The following RPS6KC1 variants were observed in gnomAD, a reference collection of about 807,000 sequenced individuals.
RPS6KC1 encodes ribosomal protein S6 kinase C1.
Under a neutral mutation model 103.8 loss-of-function variants are expected in RPS6KC1, and 54 were observed. That is an observed-to-expected ratio of 0.52 (90% confidence interval 0.42 to 0.65). The LOEUF (loss-of-function observed/expected upper bound fraction) is 0.65. Among genes scored for constraint, RPS6KC1 ranks in the 30% least tolerant of loss-of-function variants. The pLI, the probability that RPS6KC1 is intolerant of heterozygous loss-of-function variation, is 0.00. For synonymous variants in RPS6KC1, 439 were observed against 438.7 expected (o/e 1.00, Z -0.01); for missense variants, 1,151 against 1,253.8 (o/e 0.92, Z 1.24).
chr1:213,174,594 C>T (rs1004429748), intron 7 of RPS6KC1, among the ~76,000 whole-genome samples: 2 of 146,874 alleles, frequency 1.4e-5, no homozygotes, highest in East Asian at 2.0e-4. Context: ...TGCTTGAACC[C>T]GGGAGGCAGA....
chr1:213,838,736 G>A, the RPS6KC1 span, among the ~76,000 whole-genome samples: 1 of 152,208 alleles, frequency 6.6e-6, no homozygotes, highest in Non-Finnish European at 1.5e-5. Context: ...CGCAGGACCA[G>A]GCAAAGGCTA....
chr1:213,587,579 C>G, the RPS6KC1 span, among the ~76,000 whole-genome samples: 1 of 152,142 alleles, frequency 6.6e-6, no homozygotes, highest in African/African-American at 2.4e-5. Context: ...GTGTTTGATA[C>G]ATAAAAAATG....
intron 8 of RPS6KC1, among the ~76,000 whole-genome samples, chr1:213,205,695 A>G (rs1490411256): frequency 6.6e-6 from 1 of 151,004 alleles, no homozygotes; most frequent in African/African-American, 2.4e-5. Context: ...GCAACCATAT[A>G]TTTTTGACAT....
chr1:213,252,584 T>A (rs1190211370), intron 12 of RPS6KC1, among the ~76,000 whole-genome samples: 1 of 152,202 alleles, frequency 6.6e-6, no homozygotes, highest in African/African-American at 2.4e-5. Flanking sequence ...TTATGTTGTC[T>A]TATTTACCAG....
chr1:213,763,164 G>T, the RPS6KC1 span, among the ~76,000 whole-genome samples: 2 of 152,028 alleles, frequency 1.3e-5, no homozygotes, highest in South Asian at 2.1e-4. Context: ...TGGCCTTAAG[G>T]GTAATTTTTG....
chr1:213,508,696 T>C, the RPS6KC1 span, among the ~76,000 whole-genome samples: 330 of 152,244 alleles, frequency 2.2e-3, 2 homozygotes, highest in South Asian at 9.1e-3. Context: ...TTAAGTACAG[T>C]AGTTTTGTAA....
At chr1:213,841,743 C>A in the RPS6KC1 span, among the ~76,000 whole-genome samples, 3 of 152,160 alleles carry the variant, frequency 2.0e-5, no homozygotes, top group African/African-American at 7.2e-5. Context: ...CAGACTTTTC[C>A]AGCAAAGATG....
chr1:213,768,446 C>T, the RPS6KC1 span, among the ~76,000 whole-genome samples: 1 of 152,130 alleles, frequency 6.6e-6, no homozygotes, highest in Non-Finnish European at 1.5e-5. Context: ...GAATTTATCA[C>T]AAGCGCCTAT....
At chr1:213,665,651 C>A in the RPS6KC1 span, among the ~76,000 whole-genome samples, 3 of 152,238 alleles carry the variant, frequency 2.0e-5, 1 homozygote, top group East Asian at 5.8e-4. Context: ...ACAAAAAATA[C>A]ATGAGTTAGA....
the RPS6KC1 span, among the ~76,000 whole-genome samples, chr1:213,334,242 C>A: frequency 6.6e-6 from 1 of 152,196 alleles, no homozygotes; most frequent in Non-Finnish European, 1.5e-5. Flanking sequence ...GAAACTGAGG[C>A]ACAGAGAGGT....
rs80069911 is a variant in RPS6KC1 at position 213,184,667 on chromosome 1, G to T, written c.1044+8175G>T. ...TTCTCTTAGTGCTGATTTTGCCATA[G>T]CCCACAGATTTTGGTATGTTGTATT... On this transcript the variant is annotated intron_variant, in intron 8 of 14. Coordinates refer to ENST00000366960, the MANE Select transcript of RPS6KC1 (RefSeq NM_012424.6). Among the ~76,000 whole-genome samples the T allele has an allele frequency of 9.2e-3, 1,402 of 152,046 alleles. 44 individuals are homozygous for T. The highest frequency in any genetic ancestry group is 0.071 in the East Asian group (367 of 5,186).
At chr1:213,166,784 C>T (rs1487231024) in intron 6 of RPS6KC1, among the ~76,000 whole-genome samples, 1 of 152,152 alleles carries the variant, frequency 6.6e-6, no homozygotes, top group African/African-American at 2.4e-5. Context: ...CTTTGGTTTG[C>T]ATGTGCGGAA....
chr1:213,739,976 G>C, the RPS6KC1 span, among the ~76,000 whole-genome samples: 1 of 152,238 alleles, frequency 6.6e-6, no homozygotes, highest in African/African-American at 2.4e-5. Context: ...CAGTCCCAGA[G>C]AGTGACCAAT....
At chr1:213,424,496 T>A in the RPS6KC1 span, among the ~76,000 whole-genome samples, 5 of 152,242 alleles carry the variant, frequency 3.3e-5, no homozygotes, top group Non-Finnish European at 7.3e-5. Context: ...TATCTCTCCA[T>A]ATGGTGCTGC....
the RPS6KC1 span, among the ~76,000 whole-genome samples, chr1:213,496,146 A>C: frequency 0.058 from 8,821 of 152,236 alleles, 776 homozygotes; most frequent in African/African-American, 0.19. Flanking sequence ...AATGTGAAAT[A>C]TATAACAAAT....
At chr1:213,090,894 G>A (rs1368440636) in intron 3 of RPS6KC1, among the ~76,000 whole-genome samples, 1 of 152,214 alleles carries the variant, frequency 6.6e-6, no homozygotes, top group African/African-American at 2.4e-5. Flanking sequence ...ATAGCAAGAA[G>A]AGTGGTGTTG....
the RPS6KC1 span, among the ~76,000 whole-genome samples, chr1:213,584,689 C>G: frequency 5.9e-5 from 9 of 152,230 alleles, no homozygotes; most frequent in African/African-American, 2.2e-4. Context: ...TGCAGGGAAA[C>G]TGTTTAATTT....
chr1:213,051,548 G>C, intron 1 of RPS6KC1, 39 bp downstream of exon 1: 1 of 1,450,574 alleles, frequency 6.9e-7, no homozygotes, highest in Non-Finnish European at 9.6e-7. Context: ...GCTTGGATTG[G>C]GACCTGAGGA....
the RPS6KC1 span, among the ~76,000 whole-genome samples, chr1:213,445,106 G>A: frequency 1.3e-5 from 2 of 152,152 alleles, no homozygotes; most frequent in Non-Finnish European, 2.9e-5. Flanking sequence ...TACAACATGT[G>A]GCTTTTTGTA....
Sources: gnomAD v4.1 joint callset for allele counts (sites outside exome capture counted in the v4.1 genomes callset) on GRCh38, gnomAD v4.1.1 for gene constraint, MANE v1.5 for transcripts, NCBI Gene and HGNC (gene_info 2026-07-23, HGNC 2026-07-21) for gene names.